PCCA: variants seen among roughly 807,000 people sequenced by gnomAD.
PCCA encodes the protein propionyl-CoA carboxylase subunit alpha, also known as propionyl-CoA carboxylase alpha chain, mitochondrial.
A neutral mutation model predicts 101.3 loss-of-function variants in PCCA; 74 were observed. That is an observed-to-expected ratio of 0.73 (90% CI 0.61 to 0.89). The LOEUF (loss-of-function observed/expected upper bound fraction) is 0.89, where lower values mean the gene tolerates loss of function less well. PCCA is among the 40% of genes least tolerant of loss of function. The probability of loss-of-function intolerance (pLI) is 0.00; values close to 1 mark genes in which losing one functional copy is unlikely to be tolerated. For synonymous variants in PCCA, 294 were observed against 313.6 expected, an observed-to-expected ratio of 0.94 and a Z score of 0.66; for missense variants, 891 against 907.0, an observed-to-expected ratio of 0.98 and a Z score of 0.23.
At chr13:100,443,449 C>CA (rs772576793) in intron 20 of PCCA, among the ~76,000 whole-genome samples, 5,612 of 124,570 alleles carry the variant, frequency 0.045, 340 homozygotes, top group African/African-American at 0.15. Context: ...GAGACACTGT[C>CA]AAAAAAAAAA....
intron 20 of PCCA, among the ~76,000 whole-genome samples, chr13:100,435,174 G>T (rs558672513): frequency 1.3e-5 from 2 of 152,298 alleles, no homozygotes; most frequent in South Asian, 2.1e-4. Flanking sequence ...GAAGTATGGT[G>T]CCAGCATCTG....
rs535262550 is a variant in PCCA, at chr13:100,513,347, C to T, written c.1900-2080C>T. Among the ~76,000 whole-genome samples, 352 of 152,294 alleles carry T rather than the reference C, an allele frequency of 2.3e-3. 2 individuals carry two copies. Among genetic ancestry groups the T allele is most frequent in the Non-Finnish European group, 3.0e-3 (203 of 68,018 alleles). ...TGCTATTACAATAAGTCACTTATCC[C>T]CCAAACAGATTTAAGAACAATAAAC... On this transcript the variant is annotated intron_variant, in intron 21 of 23. Transcript: ENST00000376285.
intron 19 of PCCA, among the ~76,000 whole-genome samples, chr13:100,378,297 A>G (rs550774026): frequency 8.2e-4 from 125 of 152,242 alleles, no homozygotes; most frequent in Non-Finnish European, 1.4e-3. Context: ...TAAGATGTCG[A>G]CTGTTAGTCT....
At chr13:100,321,932 A>C (rs2068091821) in intron 16 of PCCA, among the ~76,000 whole-genome samples, 1 of 152,132 alleles carries the variant, frequency 6.6e-6, no homozygotes, top group Non-Finnish European at 1.5e-5. Context: ...GAGGGTATAC[A>C]TGTTAAGCTG....
chr13:100,529,003 G>C (rs538400884), intron 23 of PCCA, among the ~76,000 whole-genome samples: 1 of 152,178 alleles, frequency 6.6e-6, no homozygotes, highest in African/African-American at 2.4e-5. Flanking sequence ...GAAGGGGCAT[G>C]GTGCCATGTG....
At chr13:100,251,721 CTT>C (rs563843278) in intron 8 of PCCA, among the ~76,000 whole-genome samples, 129 of 152,228 alleles carry the variant, frequency 8.5e-4, no homozygotes, top group African/African-American at 2.9e-3. Context: ...TGGATGCCAT[CTT>C]AAGTAATCAA....
In PCCA at chr13:100,099,177, G is replaced by A. The variant is rs80033287; in HGVS notation, c.106-3706G>A. Among the ~76,000 whole-genome samples, 1,113 of 152,190 alleles carry A rather than the reference G, an allele frequency of 7.3e-3. 18 individuals carry two copies. Among genetic ancestry groups the A allele is most frequent in the African/African-American group, 0.017 (725 of 41,536 alleles). On this transcript the variant is annotated intron_variant, in intron 1 of 23. Coordinates refer to ENST00000376285, the MANE Select transcript of PCCA (RefSeq NM_000282.4). Reference sequence around the variant, plus strand: ...GTATTATTCATCTGAATGCTACTGCGGGTATGTTAACAACAGTAGTTTTGG... The same window carrying A: ...GTATTATTCATCTGAATGCTACTGCAGGTATGTTAACAACAGTAGTTTTGG...
At chr13:100,282,458 G>A (rs1191908289) in intron 12 of PCCA, among the ~76,000 whole-genome samples, 1 of 152,240 alleles carries the variant, frequency 6.6e-6, no homozygotes. Context: ...AGAGGCGCAA[G>A]CTGGAACTGG....
At chr13:100,515,351 G>C in intron 21 of PCCA, 76 bp from the exon 22 acceptor site, 1 of 1,345,336 alleles carries the variant, frequency 7.4e-7, no homozygotes, top group Non-Finnish European at 1.1e-6. Flanking sequence ...GCTAAAAATT[G>C]ATTTAGAATG....
chr13:100,167,784 A>G (rs146033708), intron 6 of PCCA, among the ~76,000 whole-genome samples: 267 of 152,132 alleles, frequency 1.8e-3, no homozygotes, highest in Non-Finnish European at 3.2e-3. Context: ...TCCTCTTTGA[A>G]TTGCCTTGGC....
intron 4 of PCCA, among the ~76,000 whole-genome samples, chr13:100,134,438 A>T (rs56393544): frequency 6.6e-6 from 1 of 152,154 alleles, no homozygotes; most frequent in Non-Finnish European, 1.5e-5. Flanking sequence ...AATCCTGCTG[A>T]GATTTTGATT....
intron 22 of PCCA, among the ~76,000 whole-genome samples, chr13:100,521,844 G>T (rs891289455): frequency 6.6e-6 from 1 of 152,204 alleles, no homozygotes; most frequent in Non-Finnish European, 1.5e-5. Context: ...TGTTTTTCCG[G>T]TGGTCCGGCG....
intron 17 of PCCA, among the ~76,000 whole-genome samples, chr13:100,334,570 A>T (rs2070139249): frequency 6.6e-6 from 1 of 152,244 alleles, no homozygotes; most frequent in South Asian, 2.1e-4. Flanking sequence ...AAGAACACTT[A>T]AAAATACTGA....
chr13:100,216,564 G>A (rs956165099), intron 7 of PCCA, among the ~76,000 whole-genome samples: 2 of 152,108 alleles, frequency 1.3e-5, no homozygotes, highest in African/African-American at 4.8e-5. Context: ...TGCTCACTAG[G>A]TATTTGTTGA....
intron 12 of PCCA, among the ~76,000 whole-genome samples, chr13:100,288,240 G>A (rs896110534): frequency 3.3e-5 from 5 of 152,096 alleles, no homozygotes; most frequent in African/African-American, 1.2e-4. Flanking sequence ...TCTCATATTA[G>A]TTTGGTGCAT....
At chr13:100,315,520 A>G (rs895291698) in intron 16 of PCCA, among the ~76,000 whole-genome samples, 2 of 152,218 alleles carry the variant, frequency 1.3e-5, no homozygotes, top group African/African-American at 4.8e-5. Context: ...TCAAATATGA[A>G]TATTTTTTTC....
chr13:100,149,730 G>A (rs2053058722), intron 4 of PCCA: 1 of 152,134 alleles, frequency 6.6e-6, no homozygotes, highest in African/African-American at 2.4e-5. Context: ...CTTCATTACA[G>A]ATCTCCTTGA....
chr13:100,400,909 A>G (rs1320453425), intron 19 of PCCA, among the ~76,000 whole-genome samples: 4 of 152,050 alleles, frequency 2.6e-5, no homozygotes, highest in African/African-American at 7.2e-5. Flanking sequence ...TACAGGCGTG[A>G]GCCACCGGCA....
intron 18 of PCCA, among the ~76,000 whole-genome samples, chr13:100,353,382 G>A (rs767724351): frequency 3.9e-5 from 6 of 152,092 alleles, no homozygotes; most frequent in Non-Finnish European, 8.8e-5. Context: ...CATATACTAG[G>A]CCATAAAACA....
Sources: allele counts gnomAD v4.1 joint callset (sites outside exome capture counted in the v4.1 genomes callset), GRCh38; gene constraint gnomAD v4.1.1; transcripts MANE v1.5; gene names NCBI Gene and HGNC (gene_info 2026-07-23, HGNC 2026-07-21).